Variants in USO1 observed in about 807,000 individuals in gnomAD.
USO1 encodes the protein general vesicular transport factor p115.
In USO1, 57 loss-of-function variants were observed where a neutral mutation model predicts 124.5. The observed-to-expected ratio is 0.46, with a 90% CI of 0.37 to 0.57. USO1 has a LOEUF of 0.57. USO1 is among the 20% of genes least tolerant of loss of function. The pLI is 0.00. For missense variants in USO1, 900 were observed against 1,040.6 expected, an observed-to-expected ratio of 0.86 and a Z score of 1.86; for synonymous variants, 369 against 362.8, an observed-to-expected ratio of 1.02 and a Z score of -0.19.
At position 75,793,693 on chromosome 4, in the gene USO1, C is replaced by T. The variant is rs1259142817; in HGVS notation, c.1244C>T (p.Thr415Ile). The change falls in exon 13 of 24, where the codon ACA becomes ATA. Residue 415 changes from threonine to isoleucine, a missense_variant. This residue lies in a region of USO1 where 538 missense variants were observed against 681.6 expected (regional missense o/e 0.79). Transcript: ENST00000514213. ...STLLPSTIDA[T>I]GNSVSAGQLL... Reference sequence around the variant, plus strand: ...TGTCTGCCTGCCATCTTTGTAGCAACAGGTAATTCAGTTTCAGCTGGCCAG... The same window carrying T: ...TGTCTGCCTGCCATCTTTGTAGCAATAGGTAATTCAGTTTCAGCTGGCCAG... The T allele has an allele frequency of 6.2e-7, 1 of 1,604,672 alleles. No homozygotes were observed. The highest frequency in any genetic ancestry group is 1.1e-5 in the South Asian group (1 of 89,968).
At chr4:75,772,891 G>GT in intron 7 of USO1, among the ~76,000 whole-genome samples, 1 of 152,246 alleles carries the variant, frequency 6.6e-6, no homozygotes, top group South Asian at 2.1e-4. Context: ...GAGGTCAGGA[G>GT]TTTGAGACCA....
At chr4:75,749,234 G>A (rs1262012465) in intron 1 of USO1, among the ~76,000 whole-genome samples, 1 of 152,060 alleles carries the variant, frequency 6.6e-6, no homozygotes, top group Non-Finnish European at 1.5e-5. Context: ...TGATCGTAGG[G>A]AATCTATTAA....
At chr4:75,808,868 A>C in intron 20 of USO1, 85 bp from the exon 21 acceptor site, 1 of 1,430,700 alleles carries the variant, frequency 7.0e-7, no homozygotes, top group Non-Finnish European at 9.3e-7. Flanking sequence ...GTTGTAAATC[A>C]TTTTTTTAAA....
chr4:75,801,847 C>A (rs1418759931), intron 17 of USO1, among the ~76,000 whole-genome samples: 1 of 152,226 alleles, frequency 6.6e-6, no homozygotes, highest in Non-Finnish European at 1.5e-5. Context: ...TAGACAGAGT[C>A]TTGCTCTTGT....
chr4:75,787,834 G>A (rs2149179246), intron 10 of USO1, among the ~76,000 whole-genome samples: 1 of 152,054 alleles, frequency 6.6e-6, no homozygotes. Flanking sequence ...TTTTACAGCT[G>A]TATTGATACC....
At chr4:75,775,943 T>C (rs1197026781) in intron 8 of USO1, among the ~76,000 whole-genome samples, 1 of 152,182 alleles carries the variant, frequency 6.6e-6, no homozygotes, top group Non-Finnish European at 1.5e-5. Flanking sequence ...GAGAGGATTA[T>C]CGCCAAAGAT....
chr4:75,813,152 T>C lies in USO1; in HGVS notation c.2800-54T>C, dbSNP rs549459290. 9.0e-6 allele frequency: 14 copies of C among 1,557,074 alleles called. No individual in the cohort carries two copies. The East Asian group carries it at 9.2e-5, about 10-fold the overall frequency. ...TATCAGTAGTATATATTGTTAAATG[T>C]TGAATGTGACATGAACAGATTTTCA... On this transcript the variant is annotated intron_variant, in intron 23 of 23. Coordinates refer to ENST00000514213, the MANE Select transcript of USO1 (RefSeq NM_003715.4).
chr4:75,733,177 T>A (rs1720688130), intron 1 of USO1, among the ~76,000 whole-genome samples: 1 of 151,768 alleles, frequency 6.6e-6, no homozygotes, highest in African/African-American at 2.4e-5. Flanking sequence ...GAGAATAGCT[T>A]GAACCCAGGA....
intron 1 of USO1, among the ~76,000 whole-genome samples, chr4:75,747,205 A>T (rs1553897804): frequency 2.0e-5 from 3 of 152,172 alleles, no homozygotes; most frequent in Non-Finnish European, 4.4e-5. Context: ...TGAAAAGGCC[A>T]TTTTGGTGCT....
At chr4:75,767,670 A>G (rs933858954) in intron 4 of USO1, 8 of 273,886 alleles carry the variant, frequency 2.9e-5, no homozygotes, top group Admixed American at 2.5e-4. Flanking sequence ...CGAGGTCAGG[A>G]GATCATCCAT....
intron 13 of USO1, chr4:75,795,434 G>GT (rs1413628359): frequency 3.5e-4 from 235 of 665,188 alleles, no homozygotes; most frequent in Admixed American, 5.1e-4. Context: ...TTGCTGATTG[G>GT]TTTTTTTTTA....
At position 75,799,395 on chromosome 4, in the gene USO1, G is replaced by C. The variant is rs571468225; in HGVS notation, c.1453-227G>C. 2.6e-5 allele frequency among the ~76,000 whole-genome samples: 4 copies of C among 152,192 alleles called. No individual in the cohort carries two copies. The East Asian group carries it at 5.8e-4, about 22-fold the overall frequency. On this transcript the variant is annotated intron_variant, in intron 13 of 23. Transcript: ENST00000514213. Reference sequence around the variant, plus strand: ...TTTAAATAACCCAGTATATGCCTCTGAACATGAATCAGTTCTAATTTCTGC... The same window carrying C: ...TTTAAATAACCCAGTATATGCCTCTCAACATGAATCAGTTCTAATTTCTGC...
At chr4:75,797,658 T>G (rs558102396) in intron 13 of USO1, among the ~76,000 whole-genome samples, 1 of 152,036 alleles carries the variant, frequency 6.6e-6, no homozygotes, top group Non-Finnish European at 1.5e-5. Flanking sequence ...ATTATTTTTT[T>G]TGAAATGGAG....
chr4:75,774,854 G>T, intron 8 of USO1, 58 bp downstream of exon 8: 2 of 1,554,396 alleles, frequency 1.3e-6, no homozygotes, highest in East Asian at 4.6e-5. Context: ...ACTTGTTAGG[G>T]TATAGGGAAT....
chr4:75,785,627 G>T (rs1450024978), intron 9 of USO1, among the ~76,000 whole-genome samples: 2 of 151,878 alleles, frequency 1.3e-5, no homozygotes, highest in African/African-American at 2.4e-5. Context: ...TTTACATGTT[G>T]CTATTAGATC....
intron 8 of USO1, among the ~76,000 whole-genome samples, chr4:75,781,728 G>A (rs1722226425): frequency 6.6e-6 from 1 of 150,824 alleles, no homozygotes; most frequent in South Asian, 2.1e-4. Context: ...TTTTCTATAA[G>A]CCTAAAACTG....
rs900667721 is a variant in USO1, at chr4:75,751,729, G to T, written c.67-644G>T. Among the ~76,000 whole-genome samples the T allele has an allele frequency of 2.4e-3, 367 of 151,550 alleles. 2 individuals are homozygous for T. The highest frequency in any genetic ancestry group is 6.8e-3 in the Middle Eastern group (2 of 294). On this transcript the variant is annotated intron_variant, in intron 1 of 23. Coordinates refer to ENST00000514213, the MANE Select transcript of USO1 (RefSeq NM_003715.4). Reference sequence around the variant, plus strand: ...GCCTGTAATCCCATCTTTTCAGGGGGGCCGAGGCAGTAGAATCACTTGAAC... The same window carrying T: ...GCCTGTAATCCCATCTTTTCAGGGGTGCCGAGGCAGTAGAATCACTTGAAC...
intron 8 of USO1, among the ~76,000 whole-genome samples, chr4:75,781,531 T>C (rs1225921855): frequency 6.6e-6 from 1 of 152,196 alleles, no homozygotes; most frequent in Non-Finnish European, 1.5e-5. Context: ...AATTAAGTTA[T>C]GTACATTCTT....
At chr4:75,772,606 C>CT (rs1421507192) in intron 7 of USO1, among the ~76,000 whole-genome samples, 18 of 152,112 alleles carry the variant, frequency 1.2e-4, no homozygotes, top group African/African-American at 4.1e-4. Flanking sequence ...AACTAGGTAT[C>CT]TATCTATTAG....
Sources: gnomAD v4.1 joint callset for allele counts (sites outside exome capture counted in the v4.1 genomes callset) on GRCh38, gnomAD v4.1.1 for gene constraint, gnomAD v4.1.1 regional missense constraint, MANE v1.5 for transcripts, NCBI Gene and HGNC (gene_info 2026-07-23, HGNC 2026-07-21) for gene names.